The following CTNNA3 variants were observed in gnomAD, a reference collection of about 807,000 sequenced individuals.
The protein encoded by CTNNA3 is catenin alpha 3.
Under a neutral mutation model 95.7 loss-of-function variants are expected in CTNNA3, and 76 were observed. The observed-to-expected ratio is 0.79, with a 90% confidence interval of 0.66 to 0.96. CTNNA3 has a LOEUF of 0.96. Among genes scored for constraint, CTNNA3 ranks in the 40% least tolerant of loss-of-function variants. The pLI is 0.00. For missense variants in CTNNA3, 1,191 were observed against 1,089.8 expected (o/e 1.09, Z -1.31); for synonymous variants, 431 against 374.4 (o/e 1.15, Z -1.74).
chr10:66,581,097 G>A (rs183827082), intron 10 of CTNNA3, among the ~76,000 whole-genome samples: 1 of 151,780 alleles, frequency 6.6e-6, no homozygotes, highest in East Asian at 1.9e-4. Flanking sequence ...TTATGGCTGA[G>A]TAGTATTCCA....
intron 12 of CTNNA3, among the ~76,000 whole-genome samples, chr10:66,284,820 T>C (rs1276268845): frequency 6.6e-6 from 1 of 151,942 alleles, no homozygotes; most frequent in Non-Finnish European, 1.5e-5. Flanking sequence ...CACATAATGC[T>C]AAGTCATCAT....
chr10:66,666,222 A>C (rs1846446721), intron 9 of CTNNA3, among the ~76,000 whole-genome samples: 1 of 152,252 alleles, frequency 6.6e-6, no homozygotes, highest in South Asian at 2.1e-4. Context: ...TCCTCTGAGC[A>C]CATCTAACTC....
intron 17 of CTNNA3, among the ~76,000 whole-genome samples, chr10:65,957,170 G>A (rs2077748618): frequency 6.6e-6 from 1 of 151,900 alleles, no homozygotes; most frequent in African/African-American, 2.4e-5. Flanking sequence ...TTTTATCTTT[G>A]TTTGGTTTCA....
chr10:66,198,058 C>G (rs1460544617), intron 13 of CTNNA3, among the ~76,000 whole-genome samples: 1 of 152,096 alleles, frequency 6.6e-6, no homozygotes, highest in Non-Finnish European at 1.5e-5. Flanking sequence ...TAGAGACTAA[C>G]TGTACATCTG....
intron 7 of CTNNA3, among the ~76,000 whole-genome samples, chr10:67,150,992 A>T (rs1234274060): frequency 6.6e-6 from 1 of 152,218 alleles, no homozygotes. Flanking sequence ...ATCTTCAAAA[A>T]ACTCTTCTTC....
At chr10:66,476,198 G>A (rs1422990116) in intron 11 of CTNNA3, among the ~76,000 whole-genome samples, 14 of 134,190 alleles carry the variant, frequency 1.0e-4, no homozygotes, top group Admixed American at 9.6e-4. Context: ...AATGACACAT[G>A]AGTCTTATCA....
At chr10:66,108,595 TC>T (rs1371849343) in intron 13 of CTNNA3, among the ~76,000 whole-genome samples, 1 of 152,178 alleles carries the variant, frequency 6.6e-6, no homozygotes, top group African/African-American at 2.4e-5. Flanking sequence ...AATTATATTT[TC>T]TCTTCATTTT....
chr10:67,698,842 T>C (rs1028947908), upstream of CTNNA3, among the ~76,000 whole-genome samples: 3 of 148,808 alleles, frequency 2.0e-5, no homozygotes, highest in African/African-American at 7.7e-5. Flanking sequence ...TTATGTACTA[T>C]TAATACAAAA....
At chr10:66,718,856 CA>C (rs1848537968) in intron 9 of CTNNA3, among the ~76,000 whole-genome samples, 2 of 152,054 alleles carry the variant, frequency 1.3e-5, no homozygotes, top group Non-Finnish European at 2.9e-5. Flanking sequence ...ATTGTTATGT[CA>C]CTGACAATTG....
intron 7 of CTNNA3, among the ~76,000 whole-genome samples, chr10:66,778,062 G>A (rs1840383453): frequency 1.3e-5 from 2 of 152,026 alleles, no homozygotes; most frequent in Admixed American, 1.3e-4. Flanking sequence ...TGTTTCACTG[G>A]GTCAAAGACA....
chr10:66,562,553 C>A (rs1842585298), intron 10 of CTNNA3, among the ~76,000 whole-genome samples: 4 of 152,168 alleles, frequency 2.6e-5, no homozygotes, highest in African/African-American at 7.2e-5. Flanking sequence ...ACCAAAAGCA[C>A]AAGCAATTTT....
intron 7 of CTNNA3, among the ~76,000 whole-genome samples, chr10:67,160,433 C>CTTTT (rs71006132): frequency 7.5e-5 from 7 of 92,786 alleles, no homozygotes; most frequent in Non-Finnish European, 1.0e-4. Context: ...TTCATCACAT[C>CTTTT]TTTTTTTTTT....
chr10:67,729,718 A>C (rs1218841892), intron 1 of CTNNA3, among the ~76,000 whole-genome samples: 1 of 152,138 alleles, frequency 6.6e-6, no homozygotes, highest in African/African-American at 2.4e-5. Context: ...CTATGAAAAG[A>C]ATCAGTATCA....
chr10:67,554,929 G>C (rs894515486), intron 3 of CTNNA3, among the ~76,000 whole-genome samples: 1 of 152,134 alleles, frequency 6.6e-6, no homozygotes, highest in Non-Finnish European at 1.5e-5. Flanking sequence ...ATTAATTTTT[G>C]TATAAGGTGT....
At chr10:66,612,734 CT>C (rs1048953176) in intron 10 of CTNNA3, among the ~76,000 whole-genome samples, 2 of 152,068 alleles carry the variant, frequency 1.3e-5, no homozygotes, top group Admixed American at 1.3e-4. Context: ...CAATTGTTTA[CT>C]TTTTTCAATT....
intron 12 of CTNNA3, among the ~76,000 whole-genome samples, chr10:66,295,105 T>C (rs182522217): frequency 6.6e-6 from 1 of 152,340 alleles, no homozygotes; most frequent in Admixed American, 6.5e-5. Flanking sequence ...ACACCTGTCA[T>C]GTTACAGGAA....
intron 10 of CTNNA3, among the ~76,000 whole-genome samples, chr10:66,543,818 C>G (rs1039426905): frequency 6.7e-6 from 1 of 149,862 alleles, no homozygotes; most frequent in African/African-American, 2.4e-5. Context: ...AGTTTCTTCT[C>G]CCACTGTATA....
intron 1 of CTNNA3, among the ~76,000 whole-genome samples, chr10:67,755,282 A>G (rs568100610): frequency 6.6e-6 from 1 of 152,300 alleles, no homozygotes; most frequent in Non-Finnish European, 1.5e-5. Flanking sequence ...ATGCATATCA[A>G]AACTACAATG....
At chr10:66,030,745 T>C (rs781523262) in intron 15 of CTNNA3, among the ~76,000 whole-genome samples, 1 of 151,920 alleles carries the variant, frequency 6.6e-6, no homozygotes. Context: ...CACAGCAAAA[T>C]AAATTACCAA....
Sources: allele counts gnomAD v4.1 joint callset (sites outside exome capture counted in the v4.1 genomes callset), GRCh38; gene constraint gnomAD v4.1.1; transcripts MANE v1.5; gene names NCBI Gene and HGNC (gene_info 2026-07-23, HGNC 2026-07-21).